The following TMEM63C variants were observed in gnomAD, a reference collection of about 807,000 sequenced individuals.
TMEM63C encodes the protein transmembrane protein 63C.
In TMEM63C, 32 loss-of-function variants were observed where a neutral mutation model predicts 99.2. The ratio of observed to expected loss-of-function variants is 0.32; its 90% CI spans 0.24 to 0.43. TMEM63C has a LOEUF of 0.43. Among genes scored for constraint, TMEM63C ranks in the 20% least tolerant of loss-of-function variants. The probability of loss-of-function intolerance (pLI) is 1.00; values close to 1 mark genes in which losing one functional copy is unlikely to be tolerated. For missense variants in TMEM63C, 826 were observed against 1,053.0 expected (o/e 0.78, Z 2.98); for synonymous variants, 376 against 397.9 (o/e 0.94, Z 0.66).
At chr14:77,182,616 C>G (rs1398684664) in intron 1 of TMEM63C, among the ~76,000 whole-genome samples, 1 of 152,156 alleles carries the variant, frequency 6.6e-6, no homozygotes, top group East Asian at 1.9e-4. Context: ...AGGGGCCCTT[C>G]TTCCTCTCTA....
chr14:77,249,409 G>A lies in TMEM63C; in HGVS notation c.1989G>A (p.Ala663=), dbSNP rs769084272. Residue 663 remains alanine (A), a synonymous_variant, in exon 21 of 24, where the codon GCG becomes GCA. Coordinates refer to ENST00000298351, the MANE Select transcript of TMEM63C (RefSeq NM_020431.4). ...CTGCCGTCTCCCAGGCCATCTTTGC[G>A]CCACTCTTGGGTCTGTTCTGGATGC... ...HMAAVSQAIF[A]PLLGLFWMLF... The A allele has an allele frequency of 1.4e-5, 22 of 1,614,012 alleles. 1 individual carries two copies. Among genetic ancestry groups the A allele is most frequent in the South Asian group, 4.4e-5 (4 of 91,084 alleles).
intron 5 of TMEM63C, 150 bp from the exon 6 acceptor site, chr14:77,225,274 C>G: frequency 5.5e-6 from 3 of 544,414 alleles, no homozygotes; most frequent in Middle Eastern, 4.4e-4. Flanking sequence ...ACCACTGGTT[C>G]CCAGCTGAGC....
rs772455653 is a variant in TMEM63C, at chr14:77,233,432, G to C, written c.494-20G>C. On this transcript the variant is annotated intron_variant, in intron 7 of 23. Transcript: ENST00000298351. ...AACTGAGGAGCCAGGCTCGAGGTCA[G>C]CAACTTCTTTCTCTTTCAGACTGGA... 1 of 1,612,156 alleles carries C rather than the reference G, an allele frequency of 6.2e-7. No homozygotes were observed. Among genetic ancestry groups the C allele is most frequent in the Non-Finnish European group, 8.5e-7 (1 of 1,179,202 alleles).
At chr14:77,249,494 C>T (rs780057145) in intron 21 of TMEM63C, 36 bp downstream of exon 21, 2 of 1,607,918 alleles carry the variant, frequency 1.2e-6, no homozygotes, top group Non-Finnish European at 1.7e-6. Flanking sequence ...CCCACCTCCA[C>T]CTGCCCCACT....
intron 16 of TMEM63C, among the ~76,000 whole-genome samples, chr14:77,244,976 G>A (rs933160836): frequency 6.6e-6 from 1 of 152,196 alleles, no homozygotes; most frequent in African/African-American, 2.4e-5. Context: ...GCTGCTCACT[G>A]GGTAGAAAGT....
In TMEM63C at chr14:77,231,672, C is replaced by G; in HGVS notation, c.435C>G (p.Ile145Met). 2 of 1,551,654 alleles carry G rather than the reference C, an allele frequency of 1.3e-6. No individual in the cohort carries two copies. The highest frequency in any genetic ancestry group is 1.7e-6 in the Non-Finnish European group (2 of 1,146,986). Residue 145 changes from isoleucine to methionine, a missense_variant, in exon 7 of 24, where the codon ATC becomes ATG. Transcript: ENST00000298351. The stretch of plus-strand genomic sequence containing the variant: ...ACCACCTCATCATCTTTGTGCTCAT[C>G]ATCTGTATCCCCTCCCTGGGCATCA... The part of the protein sequence containing the change: ...FQYHLIIFVL[I>M]ICIPSLGIIL...
intron 1 of TMEM63C, among the ~76,000 whole-genome samples, chr14:77,192,320 C>A (rs1197684308): frequency 3.9e-5 from 6 of 152,082 alleles, no homozygotes; most frequent in African/African-American, 9.7e-5. Context: ...AGATGAGGAA[C>A]CTGAGGCACA....
rs1264768653 is a variant in TMEM63C, at chr14:77,257,534, C to T, written c.*808C>T. 6.6e-6 allele frequency: 1 copy of T among 152,148 alleles called. No homozygotes were observed. The highest frequency in any genetic ancestry group is 1.9e-4 in the East Asian group (1 of 5,190). The allele number at this position is 152,148 out of a possible 1,614,324, so 9.4% of individuals were successfully genotyped here. ...CAAAGTGGGGTGAGACGACAGAAGCCGAATTCATGGAAGGGGGGTCTTCTC... is the reference window on the plus strand; with the variant it reads ...CAAAGTGGGGTGAGACGACAGAAGCTGAATTCATGGAAGGGGGGTCTTCTC... On this transcript the variant is annotated 3_prime_UTR_variant, in exon 24 of 24. Coordinates refer to ENST00000298351, the MANE Select transcript of TMEM63C (RefSeq NM_020431.4).
At chr14:77,209,798 T>G (rs1262878518) in intron 1 of TMEM63C, among the ~76,000 whole-genome samples, 3 of 151,984 alleles carry the variant, frequency 2.0e-5, no homozygotes, top group Admixed American at 6.6e-5. Context: ...AGGGGGCTAG[T>G]GGGGCAGAAC....
At chr14:77,240,931 C>CTTT (rs575279817) in intron 13 of TMEM63C, among the ~76,000 whole-genome samples, 5 of 128,482 alleles carry the variant, frequency 3.9e-5, no homozygotes, top group Non-Finnish European at 4.8e-5. Context: ...TTCCCTTTTT[C>CTTT]TTTTTTTTTT....
intron 1 of TMEM63C, among the ~76,000 whole-genome samples, chr14:77,190,238 G>A (rs1273268243): frequency 6.6e-6 from 1 of 152,062 alleles, no homozygotes; most frequent in Admixed American, 6.6e-5. Context: ...AGGAGAGGTA[G>A]AAAGTCCCAA....
intron 18 of TMEM63C, 52 bp from the exon 19 acceptor site, chr14:77,248,295 C>T: frequency 1.3e-6 from 2 of 1,511,682 alleles, no homozygotes; most frequent in Non-Finnish European, 1.8e-6. Context: ...TTTAACATCT[C>T]TCCCTCTCCC....
intron 23 of TMEM63C, among the ~76,000 whole-genome samples, chr14:77,256,316 C>T (rs1484554706): frequency 6.6e-6 from 1 of 152,192 alleles, no homozygotes; most frequent in Non-Finnish European, 1.5e-5. Flanking sequence ...TGCCACTGAA[C>T]CAGCCCTGGG....
intron 1 of TMEM63C, among the ~76,000 whole-genome samples, chr14:77,190,818 A>G (rs1042877932): frequency 7.2e-5 from 11 of 152,198 alleles, no homozygotes; most frequent in African/African-American, 2.7e-4. Flanking sequence ...GTGTATTCAG[A>G]CATAAACACA....
chr14:77,194,740 ATTT>A (rs11314660), intron 1 of TMEM63C, among the ~76,000 whole-genome samples: 9 of 144,658 alleles, frequency 6.2e-5, no homozygotes, highest in African/African-American at 2.0e-4. Context: ...CATCCAGCTA[ATTT>A]TTTTTTTTTT....
At chr14:77,250,950 C>A (rs1047812422) in intron 21 of TMEM63C, among the ~76,000 whole-genome samples, 1 of 152,202 alleles carries the variant, frequency 6.6e-6, no homozygotes, top group Non-Finnish European at 1.5e-5. Context: ...TTGTTCCCAG[C>A]CCCCTTTCCA....
At chr14:77,224,823 C>T (rs1038245272) in intron 5 of TMEM63C, among the ~76,000 whole-genome samples, 1 of 151,788 alleles carries the variant, frequency 6.6e-6, no homozygotes, top group Non-Finnish European at 1.5e-5. Flanking sequence ...ATATCAATCC[C>T]CTTAAGGGAT....
At chr14:77,201,697 A>G (rs1037796852) in intron 1 of TMEM63C, among the ~76,000 whole-genome samples, 4 of 152,352 alleles carry the variant, frequency 2.6e-5, no homozygotes, top group Middle Eastern at 3.4e-3. Context: ...GTGACCCACC[A>G]AAGTGTGAGA....
chr14:77,234,148 G>T (rs1467975585), intron 8 of TMEM63C, among the ~76,000 whole-genome samples: 1 of 152,168 alleles, frequency 6.6e-6, no homozygotes, highest in Admixed American at 6.5e-5. Context: ...TCCATGCCAT[G>T]GCCCAGGTGT....
Sources: allele counts gnomAD v4.1 joint callset (sites outside exome capture counted in the v4.1 genomes callset), GRCh38; gene constraint gnomAD v4.1.1; transcripts MANE v1.5; gene names NCBI Gene and HGNC (gene_info 2026-07-23, HGNC 2026-07-21).